The following TES variants were observed in gnomAD, a reference collection of about 807,000 sequenced individuals.
TES encodes the protein testin.
TES carries 41 observed loss-of-function variants against 48.2 expected under a neutral mutation model. That is an observed-to-expected ratio of 0.85 (90% confidence interval 0.66 to 1.10). The LOEUF (loss-of-function observed/expected upper bound fraction) is 1.10, where lower values mean the gene tolerates loss of function less well. TES is among the 50% of genes least tolerant of loss of function. The pLI is 0.00. For synonymous variants in TES, 162 were observed against 174.9 expected, an observed-to-expected ratio of 0.93 and a Z score of 0.58; for missense variants, 463 against 515.1, an observed-to-expected ratio of 0.90 and a Z score of 0.98.
chr7:116,241,860 C>T (rs1456333775), intron 2 of TES, among the ~76,000 whole-genome samples: 1 of 152,104 alleles, frequency 6.6e-6, no homozygotes, highest in African/African-American at 2.4e-5. Flanking sequence ...TAAAAAAATA[C>T]AGAGCTGGTT....
intron 1 of TES, among the ~76,000 whole-genome samples, chr7:116,229,915 G>C (rs1402322044): frequency 6.6e-6 from 1 of 152,132 alleles, no homozygotes; most frequent in Non-Finnish European, 1.5e-5. Context: ...TGATAAAGAG[G>C]ATAAAAATAT....
At chr7:116,229,394 G>A (rs1016456750) in intron 1 of TES, among the ~76,000 whole-genome samples, 2 of 152,110 alleles carry the variant, frequency 1.3e-5, no homozygotes, top group African/African-American at 2.4e-5. Flanking sequence ...TCTATGCTGA[G>A]GGTAAAGAGA....
At position 116,250,349 on chromosome 7, in the gene TES, A is replaced by C; in HGVS notation, c.555A>C (p.Glu185Asp). 3 of 1,613,928 alleles carry C rather than the reference A, an allele frequency of 1.9e-6. No homozygotes were observed. The highest frequency in any genetic ancestry group is 2.5e-6 in the Non-Finnish European group (3 of 1,179,910). The change falls in exon 4 of 7, where the codon GAA becomes GAC. Residue 185 changes from glutamate (E) to aspartate (D), a missense_variant. Glu to Asp is a conservative substitution (Grantham distance 45, BLOSUM62 2). Transcript: ENST00000358204. ...AGTTTGTGAAGAAATATAAGAGCGA[A>C]GCTCTGGGAGTAGGAGATGTCAAAC... ...MEQFVKKYKS[E>D]ALGVGDVKLP... is the part of the protein sequence containing the mutation.
In TES at chr7:116,252,333, G is replaced by T; in HGVS notation, c.934G>T (p.Glu312Ter). The T allele has an allele frequency of 6.2e-7, 1 of 1,612,228 alleles. No homozygotes were observed. Among genetic ancestry groups the T allele is most frequent in the Non-Finnish European group, 8.5e-7 (1 of 1,178,408 alleles). ...TTCTTCCTAGCTGATATTCAGCAAT[G>T]AGTATACCCAGGCAGAAAACCAGAA... is the stretch of plus-strand genomic sequence containing the variant. ...AGCDELIFSN[E>*]YTQAENQNWH... Residue 312 changes from glutamate (E) to a stop codon, truncating the protein, a stop_gained, in exon 6 of 7, where the codon GAG becomes TAG. Transcript: ENST00000358204. LOFTEE classifies it high-confidence loss of function.
chr7:116,221,660 A>T (rs1386193229), intron 1 of TES, among the ~76,000 whole-genome samples: 3 of 152,152 alleles, frequency 2.0e-5, no homozygotes, highest in Non-Finnish European at 2.9e-5. Context: ...CCCACTCTGA[A>T]TTACTCTCAT....
intron 1 of TES, among the ~76,000 whole-genome samples, chr7:116,216,701 AT>A (rs1417979863): frequency 6.6e-6 from 1 of 152,022 alleles, no homozygotes; most frequent in Non-Finnish European, 1.5e-5. Flanking sequence ...AATCTTAGCT[AT>A]TTTCAACTTG....
At chr7:116,210,965 G>A (rs1461324436) in intron 1 of TES, 1 of 338,882 alleles carries the variant, frequency 3.0e-6, no homozygotes, top group Non-Finnish European at 5.4e-6. Context: ...CGCGAGCGAG[G>A]GCGGGCGCGG....
Position 116,254,878 on chromosome 7 carries a change from C to A in TES, c.1077+2402C>A, listed in dbSNP as rs1357788791. 3.3e-5 allele frequency among the ~76,000 whole-genome samples: 5 copies of A among 150,672 alleles called. No individual in the cohort carries two copies. In the East Asian group the frequency reaches 9.7e-4, roughly 29 times the overall value. Reference sequence around the variant, plus strand: ...TAATATTAAAATGAGCATACATATCCATTGCCAGAACAGATTCCAGCTAAC... The same window carrying A: ...TAATATTAAAATGAGCATACATATCAATTGCCAGAACAGATTCCAGCTAAC... On this transcript the variant is annotated intron_variant, in intron 6 of 6. Transcript: ENST00000358204.
chr7:116,233,906 T>C (rs1289060477), intron 1 of TES, among the ~76,000 whole-genome samples: 1 of 152,066 alleles, frequency 6.6e-6, no homozygotes, highest in Non-Finnish European at 1.5e-5. Context: ...CAGGGGCTAA[T>C]CCCATCAATG....
At chr7:116,234,949 G>C (rs1799748594) in intron 2 of TES, among the ~76,000 whole-genome samples, 1 of 149,788 alleles carries the variant, frequency 6.7e-6, no homozygotes, top group Admixed American at 6.7e-5. Context: ...TAATTTATTT[G>C]TTACTTTTTT....
intron 1 of TES, among the ~76,000 whole-genome samples, chr7:116,231,741 T>G (rs1160653832): frequency 2.6e-5 from 4 of 152,178 alleles, no homozygotes; most frequent in African/African-American, 4.8e-5. Flanking sequence ...TCAGAGAGAA[T>G]AGATTGTCAA....
intron 4 of TES, among the ~76,000 whole-genome samples, chr7:116,251,211 T>TA (rs1302916041): frequency 6.6e-6 from 1 of 152,196 alleles, no homozygotes; most frequent in African/African-American, 2.4e-5. Flanking sequence ...ATTCAGGAAA[T>TA]AATGCCTGTT....
At chr7:116,243,256 T>C (rs1276727849) in intron 2 of TES, among the ~76,000 whole-genome samples, 1 of 152,228 alleles carries the variant, frequency 6.6e-6, no homozygotes, top group East Asian at 1.9e-4. Context: ...GACTGAACAA[T>C]GTAAGTATCT....
intron 4 of TES, among the ~76,000 whole-genome samples, chr7:116,251,022 G>T (rs1275261360): frequency 1.3e-5 from 2 of 152,102 alleles, no homozygotes; most frequent in Non-Finnish European, 2.9e-5. Flanking sequence ...TGACACAGAT[G>T]AACAGACATA....
intron 2 of TES, among the ~76,000 whole-genome samples, chr7:116,245,949 C>T (rs1436393693): frequency 2.0e-5 from 3 of 152,066 alleles, no homozygotes; most frequent in African/African-American, 7.2e-5. Flanking sequence ...CTCAAGAGAA[C>T]TCAATCACTA....
chr7:116,235,987 T>G (rs990998936), intron 2 of TES, among the ~76,000 whole-genome samples: 1 of 152,196 alleles, frequency 6.6e-6, no homozygotes, highest in African/African-American at 2.4e-5. Flanking sequence ...ATACAATTCT[T>G]CAGTTTTAGG....
intron 1 of TES, among the ~76,000 whole-genome samples, chr7:116,219,915 T>A (rs1234982552): frequency 1.3e-5 from 2 of 152,162 alleles, no homozygotes; most frequent in African/African-American, 4.8e-5. Flanking sequence ...CTTTGCAGTA[T>A]CCCTTACTTG....
chr7:116,252,610 G>A, intron 6 of TES, 134 bp downstream of exon 6: 1 of 1,287,594 alleles, frequency 7.8e-7, no homozygotes, highest in Non-Finnish European at 1.1e-6. Context: ...CCTACCACAG[G>A]GTGTTAAAAT....
Position 116,251,993 on chromosome 7 carries a change from A to T in TES, c.918+18A>T. 1.2e-6 allele frequency: 2 copies of T among 1,612,764 alleles called. No homozygotes were observed. The highest frequency in any genetic ancestry group is 1.7e-6 in the Non-Finnish European group (2 of 1,178,764). ...GTGACGAGGTATGTTCTATGGGACC[A>T]CCGGCATGCTGGTGCCCTCTTAGAC... On this transcript the variant is annotated intron_variant, in intron 5 of 6. Coordinates refer to ENST00000358204, the MANE Select transcript of TES (RefSeq NM_015641.4).
Sources: gnomAD v4.1 joint callset for allele counts (sites outside exome capture counted in the v4.1 genomes callset) on GRCh38, gnomAD v4.1.1 for gene constraint, MANE v1.5 for transcripts, NCBI Gene and HGNC (gene_info 2026-07-23, HGNC 2026-07-21) for gene names.